SLC24A3: variants seen among roughly 807,000 people sequenced by gnomAD.
The protein encoded by SLC24A3 is solute carrier family 24 member 3, also known as sodium/potassium/calcium exchanger 3.
Under a neutral mutation model 75.8 loss-of-function variants are expected in SLC24A3, and 28 were observed. The observed-to-expected ratio is 0.37, with a 90% CI of 0.27 to 0.51. The LOEUF (loss-of-function observed/expected upper bound fraction) is 0.51, where lower values mean the gene tolerates loss of function less well. Among genes scored for constraint, SLC24A3 ranks in the 20% least tolerant of loss-of-function variants. The probability of loss-of-function intolerance (pLI) is 0.94; values close to 1 mark genes in which losing one functional copy is unlikely to be tolerated. For missense variants in SLC24A3, 663 were observed against 847.8 expected (o/e 0.78, Z 2.71); for synonymous variants, 372 against 334.1 (o/e 1.11, Z -1.24).
chr20:19,229,753 T>C (rs890313117), intron 1 of SLC24A3, among the ~76,000 whole-genome samples: 8 of 152,190 alleles, frequency 5.3e-5, no homozygotes, highest in Non-Finnish European at 1.2e-4. Context: ...TGGATAGTTA[T>C]TTGGCTGTGT....
intron 2 of SLC24A3, among the ~76,000 whole-genome samples, chr20:19,324,601 C>T (rs868445371): frequency 6.6e-6 from 1 of 152,160 alleles, no homozygotes; most frequent in African/African-American, 2.4e-5. Context: ...TCTGACTTTG[C>T]GCCATGAGGG....
At chr20:19,300,580 G>T (rs764112569) in intron 2 of SLC24A3, among the ~76,000 whole-genome samples, 1 of 152,158 alleles carries the variant, frequency 6.6e-6, no homozygotes, top group East Asian at 1.9e-4. Flanking sequence ...ATGCAGCCAC[G>T]GTGACTGATA....
chr20:19,595,608 G>A (rs182081413), intron 6 of SLC24A3, among the ~76,000 whole-genome samples: 2 of 152,308 alleles, frequency 1.3e-5, no homozygotes, highest in East Asian at 1.9e-4. Flanking sequence ...TTGATTTCAT[G>A]TGGACTTCCA....
intron 16 of SLC24A3, among the ~76,000 whole-genome samples, chr20:19,718,770 C>T (rs1311005990): frequency 6.6e-6 from 1 of 152,158 alleles, no homozygotes; most frequent in Non-Finnish European, 1.5e-5. Flanking sequence ...TTTGCAATGC[C>T]TGTTTGACAT....
At chr20:19,481,548 C>T (rs910862062) in intron 2 of SLC24A3, among the ~76,000 whole-genome samples, 5 of 152,178 alleles carry the variant, frequency 3.3e-5, no homozygotes, top group Non-Finnish European at 7.3e-5. Flanking sequence ...ACTCTGACTT[C>T]AGCTGGGTGC....
chr20:19,472,369 G>A (rs1245085971), intron 2 of SLC24A3, among the ~76,000 whole-genome samples: 1 of 152,224 alleles, frequency 6.6e-6, no homozygotes, highest in African/African-American at 2.4e-5. Flanking sequence ...CTATGTAATG[G>A]CCTTCTTTAC....
At chr20:19,524,209 G>T (rs1229905713) in intron 3 of SLC24A3, among the ~76,000 whole-genome samples, 1 of 152,082 alleles carries the variant, frequency 6.6e-6, no homozygotes, top group African/African-American at 2.4e-5. Flanking sequence ...AACCTCCTGG[G>T]ATCCCAATTA....
intron 2 of SLC24A3, among the ~76,000 whole-genome samples, chr20:19,364,044 A>G (rs774527965): frequency 9.2e-5 from 14 of 152,192 alleles, no homozygotes; most frequent in Admixed American, 3.3e-4. Context: ...GCCCCTGGCC[A>G]GCAGGAACAT....
At chr20:19,215,777 G>A (rs998859771) in intron 1 of SLC24A3, among the ~76,000 whole-genome samples, 4 of 152,122 alleles carry the variant, frequency 2.6e-5, no homozygotes, top group South Asian at 2.1e-4. Flanking sequence ...GACATCTAAC[G>A]AAACTCAGAT....
chr20:19,435,749 C>A (rs1987188609), intron 2 of SLC24A3, among the ~76,000 whole-genome samples: 1 of 152,206 alleles, frequency 6.6e-6, no homozygotes, highest in Non-Finnish European at 1.5e-5. Flanking sequence ...CTTTCCTTAT[C>A]TTTAAAGTCT....
chr20:19,658,436 G>A (rs911464393), intron 7 of SLC24A3, among the ~76,000 whole-genome samples: 1 of 152,206 alleles, frequency 6.6e-6, no homozygotes, highest in African/African-American at 2.4e-5. Context: ...GGACGGAGAC[G>A]TGGGGCGATC....
At chr20:19,647,512 C>T (rs1398173033) in intron 6 of SLC24A3, among the ~76,000 whole-genome samples, 2 of 152,172 alleles carry the variant, frequency 1.3e-5, no homozygotes, top group Admixed American at 6.5e-5. Context: ...CCAGAGTGGG[C>T]GAAGGGAGCC....
At chr20:19,447,337 T>G (rs1469788692) in intron 2 of SLC24A3, among the ~76,000 whole-genome samples, 1 of 152,128 alleles carries the variant, frequency 6.6e-6, no homozygotes, top group Non-Finnish European at 1.5e-5. Context: ...GTCAAATTCC[T>G]GTTCTGGAGG....
chr20:19,637,570 G>A (rs2032016527), intron 6 of SLC24A3, among the ~76,000 whole-genome samples: 1 of 152,164 alleles, frequency 6.6e-6, no homozygotes, highest in Admixed American at 6.6e-5. Flanking sequence ...GCTCCACAGT[G>A]AGCAATATTC....
intron 3 of SLC24A3, among the ~76,000 whole-genome samples, chr20:19,558,919 G>T (rs759941734): frequency 3.3e-5 from 5 of 152,246 alleles, no homozygotes; most frequent in Admixed American, 6.5e-5. Context: ...TGGTTTGGGG[G>T]TATTATGAAT....
chr20:19,641,809 GC>G (rs2032078080), intron 6 of SLC24A3, among the ~76,000 whole-genome samples: 2 of 152,204 alleles, frequency 1.3e-5, no homozygotes, highest in South Asian at 4.1e-4. Flanking sequence ...CCAATGTACA[GC>G]CAAAGTTGAA....
intron 2 of SLC24A3, among the ~76,000 whole-genome samples, chr20:19,301,863 C>A (rs1430946788): frequency 6.6e-6 from 1 of 152,184 alleles, no homozygotes; most frequent in African/African-American, 2.4e-5. Flanking sequence ...TTGGACCTCA[C>A]TCCGCCCATG....
In SLC24A3 at chr20:19,586,189, C is replaced by T. The variant is rs74606381; in HGVS notation, c.612+645C>T. On this transcript the variant is annotated intron_variant, in intron 6 of 16. Transcript: ENST00000328041. ...TGGGGAAGGTGCTCAGAAGCCACTG[C>T]GTGGGAGGCTCTGGGCGACAAGCCT... 3.5e-4 allele frequency among the ~76,000 whole-genome samples: 53 copies of T among 152,222 alleles called. No homozygotes were observed. In the East Asian group the frequency reaches 8.7e-3, roughly 25 times the overall value.
At chr20:19,618,556 A>T (rs990817757) in intron 6 of SLC24A3, among the ~76,000 whole-genome samples, 1 of 152,138 alleles carries the variant, frequency 6.6e-6, no homozygotes, top group Admixed American at 6.5e-5. Flanking sequence ...CTTCTGTGAT[A>T]CTAGGGGGTA....
Sources: allele counts gnomAD v4.1 joint callset (sites outside exome capture counted in the v4.1 genomes callset), GRCh38; gene constraint gnomAD v4.1.1; transcripts MANE v1.5; gene names NCBI Gene and HGNC (gene_info 2026-07-23, HGNC 2026-07-21).